Variants in LARGE1 observed in about 807,000 individuals in gnomAD.
LARGE1 encodes xylosyl- and glucuronyltransferase LARGE1.
In LARGE1, 43 loss-of-function variants were observed where a neutral mutation model predicts 87.6. That is an observed-to-expected ratio of 0.49 (90% CI 0.38 to 0.63). The LOEUF is 0.63. LARGE1 is among the 30% of genes least tolerant of loss of function. LARGE1 has a pLI of 0.00. For synonymous variants in LARGE1, 434 were observed against 394.6 expected, an observed-to-expected ratio of 1.10 and a Z score of -1.18; for missense variants, 802 against 1,000.2, an observed-to-expected ratio of 0.80 and a Z score of 2.67.
intron 6 of LARGE1, among the ~76,000 whole-genome samples, chr22:33,514,528 T>C (rs1207936772): frequency 2.0e-5 from 3 of 152,164 alleles, no homozygotes; most frequent in African/African-American, 7.2e-5. Context: ...ATAATAACTA[T>C]TTACATGGTG....
intron 6 of LARGE1, among the ~76,000 whole-genome samples, chr22:33,506,004 A>G (rs969892943): frequency 3.3e-5 from 5 of 152,088 alleles, no homozygotes; most frequent in African/African-American, 9.7e-5. Context: ...CAATGTGCAA[A>G]TCAAAGTGGC....
At chr22:33,085,998 T>C in the LARGE1 span, among the ~76,000 whole-genome samples, 2 of 152,220 alleles carry the variant, frequency 1.3e-5, no homozygotes, top group Non-Finnish European at 2.9e-5. Flanking sequence ...TTTTGTTCAA[T>C]AGATCCATAA....
intron 1 of LARGE1, among the ~76,000 whole-genome samples, chr22:33,773,548 A>G (rs1408846341): frequency 6.6e-6 from 1 of 152,214 alleles, no homozygotes; most frequent in Non-Finnish European, 1.5e-5. Context: ...CAGTCAAGAC[A>G]CATTAGTTGT....
chr22:33,275,745 G>A (rs1384795646), intron 14 of LARGE1, among the ~76,000 whole-genome samples: 1 of 152,202 alleles, frequency 6.6e-6, no homozygotes, highest in Non-Finnish European at 1.5e-5. Context: ...GTATTTTCAA[G>A]AATTCTGTCA....
chr22:33,349,017 C>T (rs1012372855), intron 9 of LARGE1, among the ~76,000 whole-genome samples: 7 of 152,166 alleles, frequency 4.6e-5, no homozygotes, highest in Admixed American at 2.0e-4. Flanking sequence ...GCTCCTCCTT[C>T]GTCTTCTGCC....
intron 7 of LARGE1, among the ~76,000 whole-genome samples, chr22:33,406,994 T>C (rs2066126020): frequency 6.6e-6 from 1 of 152,092 alleles, no homozygotes; most frequent in Non-Finnish European, 1.5e-5. Flanking sequence ...GGTTTCACCA[T>C]GTTGGCCAGG....
chr22:33,755,005 C>G (rs1253503970), intron 2 of LARGE1, among the ~76,000 whole-genome samples: 1 of 152,174 alleles, frequency 6.6e-6, no homozygotes, highest in Non-Finnish European at 1.5e-5. Context: ...CCCGCCTATT[C>G]CACCACACAA....
chr22:33,310,691 A>G (rs577250741), intron 11 of LARGE1, among the ~76,000 whole-genome samples: 1 of 152,226 alleles, frequency 6.6e-6, no homozygotes, highest in South Asian at 2.1e-4. Flanking sequence ...CTGCATCATA[A>G]TCGGATGTGT....
At chr22:33,140,064 G>A in the LARGE1 span, among the ~76,000 whole-genome samples, 12,357 of 152,246 alleles carry the variant, frequency 0.081, 595 homozygotes, top group African/African-American at 0.14. Flanking sequence ...AGAGGTTAGA[G>A]CCCCATTATT....
At chr22:33,818,131 T>A (rs1470061793) in intron 1 of LARGE1, among the ~76,000 whole-genome samples, 1 of 152,218 alleles carries the variant, frequency 6.6e-6, no homozygotes, top group Non-Finnish European at 1.5e-5. Context: ...GATTAGGCAC[T>A]GGTCCTCCAG....
At chr22:33,764,858 A>G (rs939907055) in intron 1 of LARGE1, among the ~76,000 whole-genome samples, 7 of 152,214 alleles carry the variant, frequency 4.6e-5, no homozygotes, top group East Asian at 1.9e-4. Context: ...AGAACGACAA[A>G]AAAGTCTGCA....
rs564888022 is a variant in LARGE1 at position 33,519,931 on chromosome 22, T to C, written c.787+44917A>G. Among the ~76,000 whole-genome samples the C allele has an allele frequency of 3.3e-5, 5 of 152,168 alleles. No individual in the cohort carries two copies. The East Asian group carries it at 9.7e-4, about 29-fold the overall frequency. On this transcript the variant is annotated intron_variant, in intron 6 of 14. Transcript: ENST00000397394. ...CTTTTCCTTAGGATTAAGAAGTTTG[T>C]ACTCCCTGGCTTCCTCTTGCTGAGA...
intron 7 of LARGE1, among the ~76,000 whole-genome samples, chr22:33,413,592 G>C (rs920589155): frequency 2.0e-5 from 3 of 152,094 alleles, no homozygotes; most frequent in African/African-American, 7.2e-5. Context: ...AGCCTCCTGA[G>C]TACCCGGGAC....
intron 2 of LARGE1, among the ~76,000 whole-genome samples, chr22:33,686,585 CT>C (rs10711149): frequency 1 from 150,002 of 150,002 alleles, 75,001 homozygotes; most frequent in Non-Finnish European, 1. Flanking sequence ...ATATGAATAA[CT>C]TAACAAGCCT....
At chr22:33,122,602 A>T in the LARGE1 span, among the ~76,000 whole-genome samples, 1 of 152,038 alleles carries the variant, frequency 6.6e-6, no homozygotes, top group South Asian at 2.1e-4. Flanking sequence ...CAGGTGATCC[A>T]TCCGCCTTGG....
At chr22:33,245,919 A>G (rs1194250752) in intron 11 of LARGE1, among the ~76,000 whole-genome samples, 1 of 152,150 alleles carries the variant, frequency 6.6e-6, no homozygotes, top group Non-Finnish European at 1.5e-5. Context: ...AAAAACAAAA[A>G]CAAACAAACA....
chr22:33,161,194 C>T (rs1922011195), downstream of LARGE1, among the ~76,000 whole-genome samples: 1 of 152,108 alleles, frequency 6.6e-6, no homozygotes, highest in African/African-American at 2.4e-5. Flanking sequence ...ACCATGAGAA[C>T]AGCATGGGGG....
chr22:33,713,615 G>A (rs1001662709), intron 2 of LARGE1, among the ~76,000 whole-genome samples: 1 of 151,318 alleles, frequency 6.6e-6, no homozygotes. Context: ...ATAAATGATC[G>A]ATCCATGTAT....
Position 33,819,930 on chromosome 22 carries a change from G to A in LARGE1, c.-82-58372C>T, listed in dbSNP as rs547499265. Among the ~76,000 whole-genome samples, 146 of 152,298 alleles carry A rather than the reference G, an allele frequency of 9.6e-4. 1 individual carries two copies. The highest frequency in any genetic ancestry group is 3.0e-3 in the African/African-American group (125 of 41,574). ...TCCTAGCCAGTAGGACATGTGCAGCGTGATGTGGGCCCTACCCGCAGGTAA... is the reference window on the plus strand; with the variant it reads ...TCCTAGCCAGTAGGACATGTGCAGCATGATGTGGGCCCTACCCGCAGGTAA... On this transcript the variant is annotated intron_variant, in intron 1 of 14. Coordinates refer to ENST00000397394, the MANE Select transcript of LARGE1 (RefSeq NM_133642.5).
Sources: allele counts gnomAD v4.1 joint callset (sites outside exome capture counted in the v4.1 genomes callset), GRCh38; gene constraint gnomAD v4.1.1; transcripts MANE v1.5; gene names NCBI Gene and HGNC (gene_info 2026-07-23, HGNC 2026-07-21).